CORO2B: variants seen among roughly 807,000 people sequenced by gnomAD.
CORO2B encodes coronin 2B.
CORO2B carries 26 observed loss-of-function variants against 58.8 expected under a neutral mutation model. That is an observed-to-expected ratio of 0.44 (90% CI 0.32 to 0.61). CORO2B has a LOEUF of 0.61. CORO2B is among the 20% of genes least tolerant of loss of function. The probability of loss-of-function intolerance (pLI) is 0.04; values close to 1 mark genes in which losing one functional copy is unlikely to be tolerated. For missense variants in CORO2B, 460 were observed against 645.1 expected (o/e 0.71, Z 3.11); for synonymous variants, 242 against 253.8 (o/e 0.95, Z 0.44).
chr15:68,627,780 C>T (rs1214755700), intron 1 of CORO2B, among the ~76,000 whole-genome samples: 1 of 152,086 alleles, frequency 6.6e-6, no homozygotes, highest in Non-Finnish European at 1.5e-5. Flanking sequence ...TGTCTGCTTA[C>T]CCCTGCCATA....
At chr15:68,543,910 C>T in the CORO2B span, among the ~76,000 whole-genome samples, 1 of 152,272 alleles carries the variant, frequency 6.6e-6, no homozygotes, top group East Asian at 1.9e-4. Context: ...GACAGGAAGC[C>T]CCGCCATGAC....
intron 1 of CORO2B, among the ~76,000 whole-genome samples, chr15:68,623,133 C>T (rs1038155598): frequency 6.6e-6 from 1 of 152,094 alleles, no homozygotes; most frequent in Non-Finnish European, 1.5e-5. Flanking sequence ...CTACTGCACT[C>T]CAGCCTGGAC....
At chr15:68,625,314 A>G (rs756739549) in intron 1 of CORO2B, among the ~76,000 whole-genome samples, 14 of 151,606 alleles carry the variant, frequency 9.2e-5, no homozygotes, top group Non-Finnish European at 1.9e-4. Flanking sequence ...ATTTACATGC[A>G]TTAAAAAAAC....
chr15:68,523,182 T>C, the CORO2B span, among the ~76,000 whole-genome samples: 1 of 152,048 alleles, frequency 6.6e-6, no homozygotes, highest in Non-Finnish European at 1.5e-5. Context: ...TTCTTTTTCT[T>C]TTCTTTCTTT....
chr15:68,562,301 C>T, the CORO2B span, among the ~76,000 whole-genome samples: 3 of 152,184 alleles, frequency 2.0e-5, no homozygotes. Flanking sequence ...CTTGCCCTCA[C>T]CTTCCAGGCA....
the CORO2B span, among the ~76,000 whole-genome samples, chr15:68,558,646 G>A: frequency 6.6e-6 from 1 of 152,150 alleles, no homozygotes; most frequent in Non-Finnish European, 1.5e-5. Context: ...AAAGTGCTGG[G>A]ATTACAAGCA....
chr15:68,711,267 C>T (rs1892910209), intron 4 of CORO2B, among the ~76,000 whole-genome samples: 2 of 152,206 alleles, frequency 1.3e-5, no homozygotes, highest in South Asian at 2.1e-4. Flanking sequence ...GGTGGGCTGA[C>T]CACATGGGAC....
intron 1 of CORO2B, among the ~76,000 whole-genome samples, chr15:68,620,673 C>CT: frequency 6.6e-6 from 1 of 152,118 alleles, no homozygotes; most frequent in South Asian, 2.1e-4. Flanking sequence ...TTTTTTTAAT[C>CT]TGAGTCTTAT....
chr15:68,723,908 C>A (rs550973508), intron 11 of CORO2B, among the ~76,000 whole-genome samples: 29 of 151,984 alleles, frequency 1.9e-4, no homozygotes, highest in African/African-American at 7.0e-4. Context: ...GACTCTATCC[C>A]TAAAAAATAA....
intron 1 of CORO2B, among the ~76,000 whole-genome samples, chr15:68,636,860 G>C (rs542832228): frequency 6.6e-6 from 1 of 152,352 alleles, no homozygotes; most frequent in South Asian, 2.1e-4. Flanking sequence ...ACACACTGCA[G>C]TGATGGAAAT....
chr15:68,599,202 C>T (rs1899913169), intron 1 of CORO2B, among the ~76,000 whole-genome samples: 1 of 152,230 alleles, frequency 6.6e-6, no homozygotes, highest in African/African-American at 2.4e-5. Flanking sequence ...CAAAGTGCGA[C>T]CTCCTCCACA....
At chr15:68,708,335 C>CCTT (rs1170444883) in intron 3 of CORO2B, among the ~76,000 whole-genome samples, 1 of 151,518 alleles carries the variant, frequency 6.6e-6, no homozygotes, top group East Asian at 1.9e-4. Context: ...TTCTGGTCTG[C>CCTT]CTTTGGCTTT....
intron 1 of CORO2B, among the ~76,000 whole-genome samples, chr15:68,582,441 C>T (rs1270534650): frequency 6.6e-6 from 1 of 152,194 alleles, no homozygotes; most frequent in Non-Finnish European, 1.5e-5. Context: ...CCTAGGGCAG[C>T]TCGGGGCGAG....
At chr15:68,541,456 G>T in the CORO2B span, among the ~76,000 whole-genome samples, 1 of 152,164 alleles carries the variant, frequency 6.6e-6, no homozygotes, top group East Asian at 1.9e-4. Flanking sequence ...AGAGTAGTTT[G>T]GATGGAGGAA....
intron 1 of CORO2B, among the ~76,000 whole-genome samples, chr15:68,597,090 T>C (rs923606958): frequency 2.6e-5 from 4 of 152,128 alleles, no homozygotes; most frequent in African/African-American, 9.7e-5. Context: ...TTTTTTTTTT[T>C]TTCCTGCAGG....
chr15:68,674,981 T>G (rs1414202731), intron 2 of CORO2B, among the ~76,000 whole-genome samples: 1 of 152,182 alleles, frequency 6.6e-6, no homozygotes, highest in Non-Finnish European at 1.5e-5. Context: ...ACTTCAGGTA[T>G]CAGTCAGCTA....
intron 1 of CORO2B, chr15:68,616,464 G>A: frequency 2.4e-6 from 2 of 822,362 alleles, no homozygotes; most frequent in Non-Finnish European, 2.9e-6. Flanking sequence ...CCCCACCAAG[G>A]TCTCTTGCTG....
chr15:68,523,178 T>C, the CORO2B span, among the ~76,000 whole-genome samples: 1 of 152,092 alleles, frequency 6.6e-6, no homozygotes, highest in African/African-American at 2.4e-5. Context: ...TTCTTTCTTT[T>C]TCTTTTCTTT....
intron 2 of CORO2B, among the ~76,000 whole-genome samples, chr15:68,688,750 T>C (rs1892285905): frequency 1.3e-5 from 2 of 152,210 alleles, no homozygotes; most frequent in African/African-American, 4.8e-5. Context: ...ATAAATAACA[T>C]GGCAGTGACT....
Sources: allele counts gnomAD v4.1 joint callset (sites outside exome capture counted in the v4.1 genomes callset), GRCh38; gene constraint gnomAD v4.1.1; transcripts MANE v1.5; gene names NCBI Gene and HGNC (gene_info 2026-07-23, HGNC 2026-07-21).